The following HCN1 variants were observed in gnomAD, a reference collection of about 807,000 sequenced individuals.
The protein encoded by HCN1 is potassium/sodium hyperpolarization-activated cyclic nucleotide-gated channel 1.
HCN1 carries 13 observed loss-of-function variants against 78.9 expected under a neutral mutation model. The ratio of observed to expected loss-of-function variants is 0.16; its 90% CI spans 0.11 to 0.26. The LOEUF (loss-of-function observed/expected upper bound fraction) is 0.26. Ranked by LOEUF, HCN1 falls within the 10% of genes least tolerant of loss-of-function variation. The pLI is 1.00. For synonymous variants in HCN1, 552 were observed against 455.5 expected (o/e 1.21, Z -2.70); for missense variants, 810 against 1,154.3 (o/e 0.70, Z 4.32).
intron 5 of HCN1, among the ~76,000 whole-genome samples, chr5:45,352,775 T>C (rs1175342305): frequency 6.6e-6 from 1 of 151,318 alleles, no homozygotes; most frequent in African/African-American, 2.4e-5. Flanking sequence ...GGAGGAAGAA[T>C]AGGAATCAAA....
At chr5:45,427,071 C>T (rs6892594) in intron 3 of HCN1, among the ~76,000 whole-genome samples, 75,301 of 151,680 alleles carry the variant, frequency 0.5, 19,934 homozygotes, top group African/African-American at 0.68. Context: ...GTAGTCTTGC[C>T]GTGCTTCAAA....
At chr5:45,627,588 T>G (rs552620907) in intron 2 of HCN1, among the ~76,000 whole-genome samples, 1 of 152,282 alleles carries the variant, frequency 6.6e-6, no homozygotes, top group South Asian at 2.1e-4. Context: ...AGATGGCAAA[T>G]TTTTAAGTCA....
chr5:45,691,777 T>C (rs1266386964), intron 1 of HCN1, among the ~76,000 whole-genome samples: 1 of 152,180 alleles, frequency 6.6e-6, no homozygotes, highest in Non-Finnish European at 1.5e-5. Context: ...AACTGTATAA[T>C]ATGGGTGAAG....
At chr5:45,614,978 A>T (rs1311916258) in intron 2 of HCN1, among the ~76,000 whole-genome samples, 3 of 152,018 alleles carry the variant, frequency 2.0e-5, no homozygotes, top group Non-Finnish European at 4.4e-5. Flanking sequence ...AGAGAAAAAA[A>T]AAAAAACGTA....
At chr5:45,341,184 A>G (rs1746572715) in intron 5 of HCN1, among the ~76,000 whole-genome samples, 1 of 152,188 alleles carries the variant, frequency 6.6e-6, no homozygotes, top group African/African-American at 2.4e-5. Context: ...TCATTTTAAG[A>G]AGGAATGAGA....
intron 6 of HCN1, among the ~76,000 whole-genome samples, chr5:45,290,329 T>C (rs950703625): frequency 6.6e-6 from 1 of 152,016 alleles, no homozygotes; most frequent in African/African-American, 2.4e-5. Context: ...ATCCTATTCA[T>C]CAGGGTTCCA....
intron 1 of HCN1, among the ~76,000 whole-genome samples, chr5:45,663,441 G>C (rs1179159499): frequency 8.8e-5 from 10 of 113,772 alleles, no homozygotes; most frequent in Non-Finnish European, 1.6e-4. Flanking sequence ...GGCAACAAAA[G>C]ACAAAATTGA....
chr5:45,428,433 T>C (rs7723380), intron 3 of HCN1, among the ~76,000 whole-genome samples: 75,767 of 151,850 alleles, frequency 0.5, 20,236 homozygotes, highest in African/African-American at 0.69. Flanking sequence ...AACTATCTTA[T>C]TGCTAACTTG....
At chr5:45,674,971 T>A (rs1746237375) in intron 1 of HCN1, among the ~76,000 whole-genome samples, 1 of 151,750 alleles carries the variant, frequency 6.6e-6, no homozygotes, top group African/African-American at 2.4e-5. Context: ...CATATATAAG[T>A]ACTTACTATA....
At chr5:45,455,350 A>G (rs1312282383) in intron 3 of HCN1, among the ~76,000 whole-genome samples, 1 of 152,054 alleles carries the variant, frequency 6.6e-6, no homozygotes, top group East Asian at 1.9e-4. Context: ...CTGGATTATA[A>G]ATGTATTCAT....
intron 4 of HCN1, among the ~76,000 whole-genome samples, chr5:45,393,660 C>A (rs1265740426): frequency 6.6e-6 from 1 of 152,126 alleles, no homozygotes; most frequent in Non-Finnish European, 1.5e-5. Context: ...AAGATTGTTT[C>A]AATCAACATT....
chr5:45,664,711 C>T (rs1441263283), intron 1 of HCN1, among the ~76,000 whole-genome samples: 1 of 151,988 alleles, frequency 6.6e-6, no homozygotes, highest in South Asian at 2.1e-4. Context: ...CTCACCATCA[C>T]TGGCCATCAG....
chr5:45,556,509 C>T (rs1743472627), intron 2 of HCN1, among the ~76,000 whole-genome samples: 1 of 151,942 alleles, frequency 6.6e-6, no homozygotes, highest in African/African-American at 2.4e-5. Context: ...CCTTGAGCTT[C>T]TCTTTATAGC....
intron 3 of HCN1, among the ~76,000 whole-genome samples, chr5:45,410,446 A>G (rs930553784): frequency 1.3e-5 from 2 of 152,208 alleles, no homozygotes; most frequent in Admixed American, 1.3e-4. Context: ...ATCAAATTAT[A>G]TAGAGAACCA....
chr5:45,367,819 C>T (rs1407191049), intron 4 of HCN1, among the ~76,000 whole-genome samples: 1 of 151,860 alleles, frequency 6.6e-6, no homozygotes, highest in African/African-American at 2.4e-5. Flanking sequence ...TCCAGGTAAA[C>T]TTCACAGCAA....
intron 5 of HCN1, among the ~76,000 whole-genome samples, chr5:45,349,043 T>A (rs900979369): frequency 1.6e-4 from 24 of 152,044 alleles, no homozygotes; most frequent in Non-Finnish European, 4.4e-5. Flanking sequence ...TCTACAGAAC[T>A]CTCCACCCCA....
intron 5 of HCN1, among the ~76,000 whole-genome samples, chr5:45,316,740 A>C (rs1746002055): frequency 6.6e-6 from 1 of 152,206 alleles, no homozygotes; most frequent in Admixed American, 6.5e-5. Context: ...ATCAATGTGC[A>C]AAAATCACAA....
rs773490588 is a variant in HCN1 at position 45,517,520 on chromosome 5, TAAA to T, written c.850-55516_850-55514del. 3.9e-4 allele frequency among the ~76,000 whole-genome samples: 37 copies of T among 94,382 alleles called. No homozygotes were observed. The East Asian group carries it at 8.8e-3, about 22-fold the overall frequency. 61.9% of individuals were successfully genotyped at this position (94,382 alleles called of 152,430 possible). A position where few individuals can be genotyped will look rare whatever the true frequency, so the allele number is the denominator to read the frequency against. ...AGAGATTGTATTCCCAATTTCCCCTTAAAAAAAAAAAAAAAAAAAAAAAACATG... is the reference window on the plus strand; with the variant it reads ...AGAGATTGTATTCCCAATTTCCCCTTAAAAAAAAAAAAAAAAAAAAACATG... On this transcript the variant is annotated intron_variant, in intron 2 of 7. Transcript: ENST00000303230.
intron 3 of HCN1, among the ~76,000 whole-genome samples, chr5:45,427,732 T>C (rs1249646671): frequency 6.6e-6 from 1 of 152,166 alleles, no homozygotes; most frequent in Non-Finnish European, 1.5e-5. Context: ...TTTGTTCTTG[T>C]GCTTGTTGAC....
Sources: allele counts gnomAD v4.1 joint callset (sites outside exome capture counted in the v4.1 genomes callset), GRCh38; gene constraint gnomAD v4.1.1; transcripts MANE v1.5; gene names NCBI Gene and HGNC (gene_info 2026-07-23, HGNC 2026-07-21).